PPP2R5E: variants seen among roughly 807,000 people sequenced by gnomAD.
The protein encoded by PPP2R5E is protein phosphatase 2 regulatory subunit B'epsilon, also known as serine/threonine-protein phosphatase 2A 56 kDa regulatory subunit epsilon isoform.
PPP2R5E carries 4 observed loss-of-function variants against 65.3 expected under a neutral mutation model. That is an observed-to-expected ratio of 0.06 (90% CI 0.03 to 0.14). The LOEUF is 0.14. Among genes scored for constraint, PPP2R5E ranks in the 10% least tolerant of loss-of-function variants. PPP2R5E has a pLI of 1.00. For synonymous variants in PPP2R5E, 183 were observed against 187.4 expected (o/e 0.98, Z 0.19); for missense variants, 274 against 556.1 (o/e 0.49, Z 5.10).
chr14:63,402,856 C>CA (rs935868990), intron 5 of PPP2R5E, among the ~76,000 whole-genome samples: 13 of 150,342 alleles, frequency 8.6e-5, no homozygotes, highest in South Asian at 2.1e-4. Context: ...CAATTTCCAA[C>CA]AAAAAAAAAG....
chr14:63,467,251 A>AAAAAAAAAC (rs1566724791), intron 2 of PPP2R5E, among the ~76,000 whole-genome samples: 2 of 150,726 alleles, frequency 1.3e-5, no homozygotes, highest in African/African-American at 4.9e-5. Flanking sequence ...AACAAAAAAA[A>AAAAAAAAAC]CACTATTTAC....
At chr14:63,522,596 G>A (rs1225239571) in intron 2 of PPP2R5E, among the ~76,000 whole-genome samples, 3 of 137,430 alleles carry the variant, frequency 2.2e-5, no homozygotes, top group South Asian at 2.2e-4. Flanking sequence ...CTGCCCCGCC[G>A]CCCCGTCTGG....
Position 63,391,884 on chromosome 14 carries a change from A to G in PPP2R5E, c.904-17T>C. 3 of 1,612,974 alleles carry G rather than the reference A, an allele frequency of 1.9e-6. No homozygotes were observed. The East Asian group carries it at 6.7e-5, about 36-fold the overall frequency. ...CCTAATAACCTAAAATGAAAAGGAG[A>G]AAAACAAATGGCATTTAACTTTTTC... is the stretch of plus-strand genomic sequence containing the variant. On this transcript the variant is annotated splice_polypyrimidine_tract_variant and intron_variant, in intron 9 of 13. Coordinates refer to ENST00000337537, the MANE Select transcript of PPP2R5E (RefSeq NM_006246.5).
chr14:63,525,014 G>C (rs990712701), intron 2 of PPP2R5E, among the ~76,000 whole-genome samples: 13 of 152,214 alleles, frequency 8.5e-5, no homozygotes, highest in African/African-American at 3.1e-4. Flanking sequence ...TTTAGAGCCA[G>C]ACCGGCCTAG....
At chr14:63,471,740 G>A (rs1890142366) in intron 2 of PPP2R5E, among the ~76,000 whole-genome samples, 1 of 152,112 alleles carries the variant, frequency 6.6e-6, no homozygotes, top group Non-Finnish European at 1.5e-5. Flanking sequence ...CCACAATCTG[G>A]CACCTGTACA....
chr14:63,508,114 C>T (rs1007772093), intron 2 of PPP2R5E: 1 of 982,392 alleles, frequency 1.0e-6, no homozygotes, highest in Non-Finnish European at 1.2e-6. Flanking sequence ...CCCACACACA[C>T]TTCTACACAC....
At chr14:63,486,862 C>T (rs191266270) in intron 2 of PPP2R5E, among the ~76,000 whole-genome samples, 2 of 152,318 alleles carry the variant, frequency 1.3e-5, no homozygotes, top group African/African-American at 4.8e-5. Context: ...GGCTGATTCC[C>T]TGAACCTGAT....
chr14:63,433,669 T>G (rs1262472507), intron 3 of PPP2R5E, among the ~76,000 whole-genome samples: 1 of 152,188 alleles, frequency 6.6e-6, no homozygotes, highest in Non-Finnish European at 1.5e-5. Flanking sequence ...GTTTAGCCTC[T>G]CCAGAGAGTA....
chr14:63,389,797 G>A, intron 10 of PPP2R5E, 66 bp from the exon 11 acceptor site: 1 of 1,404,366 alleles, frequency 7.1e-7, no homozygotes, highest in Non-Finnish European at 9.4e-7. Flanking sequence ...AGAACAAGGA[G>A]GATTAATGAG....
chr14:63,427,628 G>C (rs761376591), intron 3 of PPP2R5E, among the ~76,000 whole-genome samples: 10 of 151,810 alleles, frequency 6.6e-5, no homozygotes, highest in Non-Finnish European at 1.3e-4. Context: ...ATTAAAAAAA[G>C]AAAGAAAGAA....
At chr14:63,379,826 C>CTCTCTCTCTTTT (rs528081976) in intron 13 of PPP2R5E, among the ~76,000 whole-genome samples, 15 of 100,282 alleles carry the variant, frequency 1.5e-4, no homozygotes, top group African/African-American at 5.2e-4. Flanking sequence ...TATTCTCTCT[C>CTCTCTCTCTTTT]TTTTTTTTTT....
intron 5 of PPP2R5E, among the ~76,000 whole-genome samples, chr14:63,405,640 T>A (rs1345959881): frequency 6.6e-6 from 1 of 152,224 alleles, no homozygotes; most frequent in African/African-American, 2.4e-5. Context: ...TTGAAAGTAA[T>A]CTTTAGAAAT....
At chr14:63,415,107 G>T in intron 5 of PPP2R5E, 33 bp downstream of exon 5, 1 of 1,455,754 alleles carries the variant, frequency 6.9e-7, no homozygotes, top group South Asian at 1.2e-5. Context: ...TTAACTGGAT[G>T]ACAAATACAC....
At chr14:63,505,903 G>GA (rs1032423540) in intron 2 of PPP2R5E, among the ~76,000 whole-genome samples, 25 of 152,162 alleles carry the variant, frequency 1.6e-4, no homozygotes, top group Non-Finnish European at 3.5e-4. Flanking sequence ...TAATCAATAT[G>GA]AAAAAATATA....
chr14:63,399,553 C>T (rs1267624917), intron 5 of PPP2R5E, among the ~76,000 whole-genome samples: 2 of 151,674 alleles, frequency 1.3e-5, no homozygotes, highest in Non-Finnish European at 2.9e-5. Flanking sequence ...TGCAATGATA[C>T]TGTGGTGATG....
chr14:63,381,749 C>T (rs1884375267), intron 13 of PPP2R5E, among the ~76,000 whole-genome samples: 1 of 152,188 alleles, frequency 6.6e-6, no homozygotes, highest in South Asian at 2.1e-4. Context: ...ATTTGTGTTA[C>T]AATTGGCTAC....
At chr14:63,443,487 A>T (rs1047130975) in intron 3 of PPP2R5E, among the ~76,000 whole-genome samples, 1 of 152,156 alleles carries the variant, frequency 6.6e-6, no homozygotes, top group Non-Finnish European at 1.5e-5. Context: ...GCGAGCAATT[A>T]TCTACAGCCG....
chr14:63,492,478 C>T (rs952994937), intron 2 of PPP2R5E, among the ~76,000 whole-genome samples: 1 of 152,060 alleles, frequency 6.6e-6, no homozygotes, highest in Non-Finnish European at 1.5e-5. Flanking sequence ...GCTCTGAGGC[C>T]TCTTATAAAA....
At chr14:63,440,898 G>A (rs1450198483) in intron 3 of PPP2R5E, among the ~76,000 whole-genome samples, 5 of 145,018 alleles carry the variant, frequency 3.4e-5, no homozygotes, top group South Asian at 2.2e-4. Flanking sequence ...GCAGTGAGCC[G>A]AGATCGCGCC....
Sources: gnomAD v4.1 joint callset for allele counts (sites outside exome capture counted in the v4.1 genomes callset) on GRCh38, gnomAD v4.1.1 for gene constraint, MANE v1.5 for transcripts, NCBI Gene and HGNC (gene_info 2026-07-23, HGNC 2026-07-21) for gene names.